Variants in LRRTM4 observed in about 807,000 individuals in gnomAD.
The protein encoded by LRRTM4 is leucine rich repeat transmembrane neuronal 4, also known as leucine-rich repeat transmembrane neuronal protein 4.
In LRRTM4, 25 loss-of-function variants were observed where a neutral mutation model predicts 47.6. The observed-to-expected ratio is 0.53, with a 90% CI of 0.38 to 0.73. The LOEUF (loss-of-function observed/expected upper bound fraction) is 0.73. LRRTM4 is among the 30% of genes least tolerant of loss of function. The probability of loss-of-function intolerance (pLI) is 0.00; values close to 1 mark genes in which losing one functional copy is unlikely to be tolerated. For missense variants in LRRTM4, 638 were observed against 713.4 expected (o/e 0.89, Z 1.20); for synonymous variants, 311 against 269.5 (o/e 1.15, Z -1.51).
At chr2:76,805,831 A>G (rs917980907) in intron 3 of LRRTM4, among the ~76,000 whole-genome samples, 1 of 151,878 alleles carries the variant, frequency 6.6e-6, no homozygotes, top group Non-Finnish European at 1.5e-5. Context: ...CAAACAAACA[A>G]ACACCTCACA....
At chr2:76,822,045 C>A (rs149833433) in intron 3 of LRRTM4, among the ~76,000 whole-genome samples, 1 of 151,060 alleles carries the variant, frequency 6.6e-6, no homozygotes, top group Non-Finnish European at 1.5e-5. Context: ...TAAAACAAAC[C>A]AAATTGGGCC....
At chr2:76,913,178 C>A (rs957914512) in intron 3 of LRRTM4, among the ~76,000 whole-genome samples, 2 of 152,070 alleles carry the variant, frequency 1.3e-5, no homozygotes, top group Non-Finnish European at 2.9e-5. Context: ...ATAATCTTGA[C>A]CCATTTGTTT....
intron 3 of LRRTM4, among the ~76,000 whole-genome samples, chr2:77,266,272 A>G (rs1465562713): frequency 6.6e-6 from 1 of 152,192 alleles, no homozygotes; most frequent in East Asian, 1.9e-4. Flanking sequence ...AAGGAGTATT[A>G]TTCAGATGTC....
intron 3 of LRRTM4, among the ~76,000 whole-genome samples, chr2:77,384,784 C>T (rs1385955045): frequency 6.6e-6 from 1 of 151,966 alleles, no homozygotes; most frequent in Non-Finnish European, 1.5e-5. Context: ...GTTGATGGAA[C>T]AACAAATCTG....
At chr2:76,878,891 G>T (rs561984662) in intron 3 of LRRTM4, among the ~76,000 whole-genome samples, 1 of 151,932 alleles carries the variant, frequency 6.6e-6, no homozygotes, top group African/African-American at 2.4e-5. Context: ...AAAAAAAAGT[G>T]AAACAGCCTT....
intron 3 of LRRTM4, among the ~76,000 whole-genome samples, chr2:77,364,930 T>G (rs1422038574): frequency 6.6e-6 from 1 of 151,952 alleles, no homozygotes; most frequent in Non-Finnish European, 1.5e-5. Flanking sequence ...ATAACGTTTA[T>G]TTAAATAAAA....
intron 3 of LRRTM4, among the ~76,000 whole-genome samples, chr2:77,069,870 TG>T (rs1680093610): frequency 6.6e-6 from 1 of 152,214 alleles, no homozygotes; most frequent in South Asian, 2.1e-4. Context: ...GCCCAGCTTT[TG>T]GCTTGTCTTT....
At position 76,902,629 on chromosome 2, in the gene LRRTM4, G is replaced by A. The variant is rs150559704; in HGVS notation, c.1552-153713C>T. Among the ~76,000 whole-genome samples, 19 of 152,264 alleles carry A rather than the reference G, an allele frequency of 1.2e-4. No individual in the cohort carries two copies. The East Asian group carries it at 3.7e-3, about 29-fold the overall frequency. ...AGGCTGTAATGGGGTGGACCCTAAA[G>A]ACAACATAAAGAGACTTTTCCTGGA... is the stretch of plus-strand genomic sequence containing the variant. On this transcript the variant is annotated intron_variant, in intron 3 of 3. Coordinates refer to ENST00000409884, the MANE Select transcript of LRRTM4 (RefSeq NM_001134745.3).
At chr2:76,949,222 T>C (rs930229922) in intron 3 of LRRTM4, among the ~76,000 whole-genome samples, 1 of 151,922 alleles carries the variant, frequency 6.6e-6, no homozygotes, top group Non-Finnish European at 1.5e-5. Context: ...TCCTCAACAC[T>C]GAACCTGGGT....
chr2:76,809,416 G>A (rs1307132683), intron 3 of LRRTM4, among the ~76,000 whole-genome samples: 2 of 152,016 alleles, frequency 1.3e-5, no homozygotes, highest in Non-Finnish European at 2.9e-5. Context: ...AAGTGCTCAG[G>A]ACTAAAACCA....
At chr2:77,103,333 G>A (rs1671006650) in intron 3 of LRRTM4, among the ~76,000 whole-genome samples, 1 of 152,080 alleles carries the variant, frequency 6.6e-6, no homozygotes, top group Non-Finnish European at 1.5e-5. Context: ...CATTGCACAG[G>A]CAACCTAAGA....
intron 3 of LRRTM4, among the ~76,000 whole-genome samples, chr2:77,020,754 A>G (rs1678238316): frequency 6.6e-6 from 1 of 152,170 alleles, no homozygotes; most frequent in Admixed American, 6.6e-5. Context: ...AAAGAAAAGA[A>G]ATGGTATCTC....
chr2:77,344,791 C>T lies in LRRTM4; in HGVS notation c.1551+173527G>A, dbSNP rs532725700. On this transcript the variant is annotated intron_variant, in intron 3 of 3. Coordinates refer to ENST00000409884, the MANE Select transcript of LRRTM4 (RefSeq NM_001134745.3). The stretch of plus-strand genomic sequence containing the variant: ...TAAAGAGAGTAAATTGTAGAGTAAC[C>T]GGAGTTACTAACATGAGTCAGTCTC... 6.6e-5 allele frequency among the ~76,000 whole-genome samples: 10 copies of T among 151,428 alleles called. No individual in the cohort carries two copies. In the East Asian group the frequency reaches 7.8e-4, roughly 12 times the overall value.
chr2:77,334,803 C>T (rs568119012), intron 3 of LRRTM4, among the ~76,000 whole-genome samples: 1 of 152,256 alleles, frequency 6.6e-6, no homozygotes, highest in South Asian at 2.1e-4. Flanking sequence ...ATGTTTTAGT[C>T]AAAGATAGGA....
chr2:77,238,245 G>A (rs1675161315), intron 3 of LRRTM4, among the ~76,000 whole-genome samples: 2 of 152,034 alleles, frequency 1.3e-5, no homozygotes, highest in Admixed American at 1.3e-4. Flanking sequence ...ATAATATCAT[G>A]TTGTAAGCCT....
At chr2:77,221,691 C>T (rs953283125) in intron 3 of LRRTM4, among the ~76,000 whole-genome samples, 4 of 151,926 alleles carry the variant, frequency 2.6e-5, no homozygotes, top group African/African-American at 9.7e-5. Context: ...TACAGGAGCA[C>T]CCAGATTCAT....
chr2:76,916,415 A>G (rs139847680), intron 3 of LRRTM4, among the ~76,000 whole-genome samples: 369 of 150,422 alleles, frequency 2.5e-3, no homozygotes, highest in African/African-American at 8.6e-3. Flanking sequence ...AAAGAAAAGA[A>G]AAAAAATATG....
At chr2:77,270,472 T>A (rs1676161914) in intron 3 of LRRTM4, among the ~76,000 whole-genome samples, 2 of 152,194 alleles carry the variant, frequency 1.3e-5, no homozygotes, top group Non-Finnish European at 2.9e-5. Context: ...GGTATCACAA[T>A]AAATGTGTAG....
chr2:77,313,348 G>A (rs754406455), intron 3 of LRRTM4, among the ~76,000 whole-genome samples: 95 of 81,480 alleles, frequency 1.2e-3, no homozygotes, highest in African/African-American at 8.4e-3. Context: ...GGGACCTGGT[G>A]CTGGGATGTG....
Sources: allele counts gnomAD v4.1 joint callset (sites outside exome capture counted in the v4.1 genomes callset), GRCh38; gene constraint gnomAD v4.1.1; transcripts MANE v1.5; gene names NCBI Gene and HGNC (gene_info 2026-07-23, HGNC 2026-07-21).